The following MECOM variants were observed in gnomAD, a reference collection of about 807,000 sequenced individuals.
MECOM encodes the protein histone-lysine N-methyltransferase MECOM.
Under a neutral mutation model 116.3 loss-of-function variants are expected in MECOM, and 13 were observed. The ratio of observed to expected loss-of-function variants is 0.11; its 90% CI spans 0.07 to 0.18. The LOEUF is 0.18. Ranked by LOEUF, MECOM falls within the 10% of genes least tolerant of loss-of-function variation. MECOM has a pLI of 1.00. For synonymous variants in MECOM, 528 were observed against 535.2 expected, an observed-to-expected ratio of 0.99 and a Z score of 0.19; for missense variants, 1,299 against 1,509.0, an observed-to-expected ratio of 0.86 and a Z score of 2.31.
intron 1 of MECOM, among the ~76,000 whole-genome samples, chr3:169,440,982 A>T (rs1743555656): frequency 6.6e-6 from 1 of 152,236 alleles, no homozygotes; most frequent in African/African-American, 2.4e-5. Context: ...CAGAGCTGAC[A>T]ATACCTTAGG....
chr3:169,229,058 G>A (rs1382438244), intron 2 of MECOM, among the ~76,000 whole-genome samples: 6 of 152,132 alleles, frequency 3.9e-5, no homozygotes, highest in Non-Finnish European at 2.9e-5. Flanking sequence ...ACATATACAT[G>A]AGTGTTAACT....
intron 1 of MECOM, among the ~76,000 whole-genome samples, chr3:169,655,698 A>G (rs549261495): frequency 6.6e-6 from 1 of 152,318 alleles, no homozygotes; most frequent in South Asian, 2.1e-4. Context: ...TGAGGGCATA[A>G]TTTATTGAGA....
intron 2 of MECOM, among the ~76,000 whole-genome samples, chr3:169,182,693 A>G (rs1297043153): frequency 6.6e-6 from 1 of 152,160 alleles, no homozygotes; most frequent in Non-Finnish European, 1.5e-5. Context: ...CCAGTTGGCT[A>G]TCTGGCCTTC....
chr3:169,340,466 T>C (rs1220732196), intron 2 of MECOM, among the ~76,000 whole-genome samples: 2 of 152,204 alleles, frequency 1.3e-5, no homozygotes, highest in Non-Finnish European at 2.9e-5. Flanking sequence ...GGATTATTTT[T>C]TAGTTAAGAT....
At chr3:169,210,632 T>C (rs1471404009) in intron 2 of MECOM, among the ~76,000 whole-genome samples, 1 of 152,148 alleles carries the variant, frequency 6.6e-6, no homozygotes, top group Non-Finnish European at 1.5e-5. Context: ...CTATCAATTT[T>C]ATTGAGATAC....
rs1759506988 is a variant in MECOM, at chr3:169,537,355, T to C, written c.37+125981A>G. On this transcript the variant is annotated intron_variant, in intron 1 of 16. Coordinates refer to ENST00000651503, the MANE Select transcript of MECOM (RefSeq NM_004991.4). ...GTAAGCTCCTCTTTGTATTTTACCA[T>C]GTATTGGGTGGCTATTTCAGAATGG... Among the ~76,000 whole-genome samples the C allele has an allele frequency of 2.0e-5, 3 of 152,198 alleles. No individual in the cohort carries two copies. The South Asian group carries it at 6.2e-4, about 31-fold the overall frequency.
intron 2 of MECOM, among the ~76,000 whole-genome samples, chr3:169,195,007 A>G (rs1027584189): frequency 3.3e-5 from 5 of 152,016 alleles, no homozygotes; most frequent in Non-Finnish European, 1.5e-5. Context: ...ACATACAGCT[A>G]TATCATTCTA....
chr3:169,245,235 A>G (rs955293032), intron 2 of MECOM, among the ~76,000 whole-genome samples: 1 of 152,208 alleles, frequency 6.6e-6, no homozygotes, highest in Admixed American at 6.5e-5. Flanking sequence ...TAATAGAAGT[A>G]TCAATAATGA....
chr3:169,477,128 T>TATA (rs1258518651), intron 1 of MECOM: 1 of 95,780 alleles, frequency 1.0e-5, no homozygotes, highest in Non-Finnish European at 2.1e-5. Flanking sequence ...TATATATATA[T>TATA]ATATATATAT....
chr3:169,126,506 T>A (rs1164835934), intron 5 of MECOM, among the ~76,000 whole-genome samples: 1 of 152,054 alleles, frequency 6.6e-6, no homozygotes, highest in Non-Finnish European at 1.5e-5. Context: ...TTATTACAAA[T>A]CCACACTTTA....
At chr3:169,102,446 T>C (rs1488147109) in intron 10 of MECOM, among the ~76,000 whole-genome samples, 1 of 152,188 alleles carries the variant, frequency 6.6e-6, no homozygotes, top group Non-Finnish European at 1.5e-5. Flanking sequence ...GCGAACTTTT[T>C]CCATAAGACC....
chr3:169,459,550 T>C (rs560336942), intron 1 of MECOM, among the ~76,000 whole-genome samples: 2 of 152,372 alleles, frequency 1.3e-5, no homozygotes, highest in African/African-American at 4.8e-5. Flanking sequence ...ACTGAAAATA[T>C]CTGCAGTAAT....
intron 1 of MECOM, among the ~76,000 whole-genome samples, chr3:169,624,486 G>T (rs1771113060): frequency 1.3e-5 from 2 of 152,188 alleles, no homozygotes; most frequent in Non-Finnish European, 2.9e-5. Context: ...ACAAGTTGAG[G>T]ATGGCCACAG....
At chr3:169,554,518 G>C (rs1338399730) in intron 1 of MECOM, among the ~76,000 whole-genome samples, 3 of 152,136 alleles carry the variant, frequency 2.0e-5, no homozygotes, top group Non-Finnish European at 4.4e-5. Context: ...GTAAAATACA[G>C]GCAAAGTTAT....
chr3:169,106,243 G>T (rs1208336456), intron 10 of MECOM, among the ~76,000 whole-genome samples: 1 of 151,924 alleles, frequency 6.6e-6, no homozygotes, highest in Non-Finnish European at 1.5e-5. Flanking sequence ...CTATTTTATG[G>T]TTATCCCACT....
chr3:169,100,229 G>C (rs1475744324), intron 12 of MECOM, among the ~76,000 whole-genome samples: 1 of 150,818 alleles, frequency 6.6e-6, no homozygotes, highest in Admixed American at 6.6e-5. Flanking sequence ...CTCACAAGTA[G>C]CTGGGACTAC....
At chr3:169,317,837 C>T (rs567077359) in intron 2 of MECOM, among the ~76,000 whole-genome samples, 2 of 152,250 alleles carry the variant, frequency 1.3e-5, no homozygotes, top group South Asian at 4.1e-4. Flanking sequence ...GCAAAAAGAA[C>T]AAAGCTGGAG....
chr3:169,624,082 T>C (rs936226918), intron 1 of MECOM: 1 of 152,200 alleles, frequency 6.6e-6, no homozygotes, highest in Non-Finnish European at 1.5e-5. Context: ...GGTCATCAAA[T>C]CAAAGTCATT....
intron 1 of MECOM, among the ~76,000 whole-genome samples, chr3:169,462,433 G>T (rs1296226135): frequency 6.6e-6 from 1 of 152,198 alleles, no homozygotes; most frequent in Non-Finnish European, 1.5e-5. Flanking sequence ...CAATGTTCTA[G>T]ATTAGGAGCT....
Sources: gnomAD v4.1 joint callset for allele counts (sites outside exome capture counted in the v4.1 genomes callset) on GRCh38, gnomAD v4.1.1 for gene constraint, MANE v1.5 for transcripts, NCBI Gene and HGNC (gene_info 2026-07-23, HGNC 2026-07-21) for gene names.